The following CIMIP5 variants were observed in gnomAD, a reference collection of about 807,000 sequenced individuals.
CIMIP5 encodes the protein uncharacterized protein C2orf50.
the CIMIP5 span, among the ~76,000 whole-genome samples, chr2:11,154,416 T>G: frequency 1.9e-4 from 29 of 152,238 alleles, no homozygotes; most frequent in South Asian, 6.0e-3. Context: ...CGGCCAGAAT[T>G]CCGAACTCCG....
chr2:11,153,548 T>C, the CIMIP5 span, among the ~76,000 whole-genome samples: 1 of 152,176 alleles, frequency 6.6e-6, no homozygotes, highest in Non-Finnish European at 1.5e-5. Flanking sequence ...CCTCCTTGCA[T>C]CAAGGGACCT....
chr2:11,148,940 G>T, the CIMIP5 span, among the ~76,000 whole-genome samples: 3 of 151,616 alleles, frequency 2.0e-5, no homozygotes, highest in Non-Finnish European at 4.4e-5. Flanking sequence ...CACCATGTTG[G>T]CCAAGCTGGT....
the CIMIP5 span, among the ~76,000 whole-genome samples, chr2:11,153,015 A>C: frequency 2.3e-3 from 353 of 152,280 alleles, 2 homozygotes; most frequent in African/African-American, 8.3e-3. Context: ...TCTGAGCGGG[A>C]TGGTTCTCCC....
At chr2:11,150,568 G>C in the CIMIP5 span, among the ~76,000 whole-genome samples, 2 of 151,794 alleles carry the variant, frequency 1.3e-5, no homozygotes, top group East Asian at 1.9e-4. Flanking sequence ...TTGACCTCAG[G>C]TGATCTGCCA....
At chr2:11,149,908 G>A in the CIMIP5 span, among the ~76,000 whole-genome samples, 26 of 152,274 alleles carry the variant, frequency 1.7e-4, no homozygotes, top group Non-Finnish European at 3.2e-4. Context: ...AGAGTGTGGT[G>A]AGTCCATTGA....
chr2:11,149,301 A>T, the CIMIP5 span, among the ~76,000 whole-genome samples: 3 of 141,666 alleles, frequency 2.1e-5, no homozygotes, highest in African/African-American at 8.4e-5. Flanking sequence ...CTTACCTAGG[A>T]AGCACTCTTG....
At chr2:11,133,352 C>T in the CIMIP5 span, 1 of 1,604,376 alleles carries the variant, frequency 6.2e-7, no homozygotes, top group Non-Finnish European at 8.5e-7. Flanking sequence ...GCCACCCCAC[C>T]CCTGGGCTCC....
At chr2:11,142,950 C>T in the CIMIP5 span, among the ~76,000 whole-genome samples, 1 of 151,944 alleles carries the variant, frequency 6.6e-6, no homozygotes, top group Non-Finnish European at 1.5e-5. Context: ...TGAATCTTTC[C>T]GCCAAGGCTT....
the CIMIP5 span, among the ~76,000 whole-genome samples, chr2:11,133,881 C>T: frequency 1.3e-5 from 2 of 152,098 alleles, no homozygotes; most frequent in African/African-American, 2.4e-5. Flanking sequence ...AGCCTGCTGG[C>T]CTAGTCTGGG....
At chr2:11,148,180 C>T in the CIMIP5 span, among the ~76,000 whole-genome samples, 39,062 of 150,650 alleles carry the variant, frequency 0.26, 5,362 homozygotes, top group East Asian at 0.48. Flanking sequence ...TGCAATGGTA[C>T]GATCTCAGCT....
chr2:11,134,298 A>AGCGGGGGCCACCCC, the CIMIP5 span, among the ~76,000 whole-genome samples: 23 of 152,346 alleles, frequency 1.5e-4, no homozygotes, highest in East Asian at 4.1e-3. Flanking sequence ...GAGGGGGAGC[A>AGCGGGGGCCACCCC]GCGGGGGCCA....
the CIMIP5 span, chr2:11,133,738 C>T: frequency 3.2e-5 from 43 of 1,332,298 alleles, no homozygotes; most frequent in Middle Eastern, 2.7e-4. Flanking sequence ...GGTCACCAGC[C>T]CAGCCCAGAG....
At chr2:11,133,281 G>GTCTCTCTCTC in the CIMIP5 span, 2 of 1,458,798 alleles carry the variant, frequency 1.4e-6, no homozygotes, top group African/African-American at 3.1e-5. Context: ...TCAGGCACAG[G>GTCTCTCTCTC]TCTCTCTCTC....
At chr2:11,137,012 G>A in the CIMIP5 span, among the ~76,000 whole-genome samples, 6 of 152,220 alleles carry the variant, frequency 3.9e-5, no homozygotes, top group African/African-American at 1.4e-4. Flanking sequence ...GCAAGGCAGT[G>A]CTGCCCAACG....
the CIMIP5 span, among the ~76,000 whole-genome samples, chr2:11,134,117 A>G: frequency 5.0e-4 from 76 of 152,290 alleles, no homozygotes; most frequent in Non-Finnish European, 8.4e-4. Flanking sequence ...ACCAGCGGTA[A>G]GAAGGAAACA....
the CIMIP5 span, among the ~76,000 whole-genome samples, chr2:11,149,431 C>T: frequency 1.0e-3 from 156 of 152,296 alleles, no homozygotes; most frequent in Admixed American, 2.0e-3. Context: ...GTCTGCCAGG[C>T]GCTGTGACTC....
At chr2:11,151,372 G>T in the CIMIP5 span, among the ~76,000 whole-genome samples, 26 of 152,226 alleles carry the variant, frequency 1.7e-4, no homozygotes, top group Non-Finnish European at 2.4e-4. Flanking sequence ...CTCGAGTTCA[G>T]ATCTCCTCTG....
At chr2:11,152,831 A>G in the CIMIP5 span, among the ~76,000 whole-genome samples, 1 of 151,854 alleles carries the variant, frequency 6.6e-6, no homozygotes, top group Non-Finnish European at 1.5e-5. Context: ...GGGGGCTGAG[A>G]CCCAAACGCC....
chr2:11,140,703 G>A, the CIMIP5 span, among the ~76,000 whole-genome samples: 35 of 152,162 alleles, frequency 2.3e-4, no homozygotes, highest in South Asian at 4.1e-4. Context: ...GGAATGCAGG[G>A]TCCGTTGGAT....
Sources: gnomAD v4.1 joint callset for allele counts (sites outside exome capture counted in the v4.1 genomes callset) on GRCh38, gnomAD v4.1.1 for gene constraint, MANE v1.5 for transcripts, NCBI Gene and HGNC (gene_info 2026-07-23, HGNC 2026-07-21) for gene names.